SUGCT: variants seen among roughly 807,000 people sequenced by gnomAD.
The protein encoded by SUGCT is succinyl-CoA:glutarate CoA-transferase.
A neutral mutation model predicts 55.0 loss-of-function variants in SUGCT; 41 were observed. The ratio of observed to expected loss-of-function variants is 0.74; its 90% confidence interval spans 0.58 to 0.97. SUGCT has a LOEUF of 0.97. Among genes scored for constraint, SUGCT ranks in the 50% least tolerant of loss-of-function variants. SUGCT has a pLI of 0.00. For synonymous variants in SUGCT, 187 were observed against 200.4 expected, an observed-to-expected ratio of 0.93 and a Z score of 0.56; for missense variants, 568 against 547.8, an observed-to-expected ratio of 1.04 and a Z score of -0.37.
At chr7:40,923,105 G>A in the SUGCT span, among the ~76,000 whole-genome samples, 1 of 152,196 alleles carries the variant, frequency 6.6e-6, no homozygotes. Context: ...GAAATTGAGG[G>A]AGACTCCTTA....
At chr7:40,141,010 A>G (rs956432623) in intron 1 of SUGCT, among the ~76,000 whole-genome samples, 3 of 151,854 alleles carry the variant, frequency 2.0e-5, no homozygotes, top group East Asian at 1.9e-4. Flanking sequence ...TGTTTCATCT[A>G]TAGTTTCTTT....
intron 12 of SUGCT, among the ~76,000 whole-genome samples, chr7:40,705,222 A>T (rs1785342473): frequency 6.6e-6 from 1 of 152,208 alleles, no homozygotes; most frequent in Admixed American, 6.5e-5. Context: ...TGCAAAAATC[A>T]TGTGGAGAAG....
intron 7 of SUGCT, among the ~76,000 whole-genome samples, chr7:40,242,215 C>A (rs781626581): frequency 2.0e-5 from 3 of 151,366 alleles, no homozygotes; most frequent in Non-Finnish European, 2.9e-5. Context: ...CTCTTGTCAC[C>A]CAGGCTGGAG....
At chr7:40,494,946 T>C (rs891316690) in intron 11 of SUGCT, among the ~76,000 whole-genome samples, 9 of 152,150 alleles carry the variant, frequency 5.9e-5, no homozygotes, top group Middle Eastern at 3.4e-3. Context: ...GTTTTGCTCT[T>C]GTTGTCCAGG....
At chr7:41,028,384 G>A in the SUGCT span, among the ~76,000 whole-genome samples, 30 of 152,336 alleles carry the variant, frequency 2.0e-4, 1 homozygote, top group South Asian at 2.9e-3. Context: ...ATCACTGGCC[G>A]TCCCAAGTGA....
At chr7:40,774,505 G>A (rs1289163459) in intron 13 of SUGCT, among the ~76,000 whole-genome samples, 3 of 152,164 alleles carry the variant, frequency 2.0e-5, no homozygotes, top group Non-Finnish European at 4.4e-5. Context: ...TCATTGTGGA[G>A]ATGGGAGATT....
chr7:40,435,566 C>T (rs1402219622), intron 9 of SUGCT, among the ~76,000 whole-genome samples: 1 of 152,160 alleles, frequency 6.6e-6, no homozygotes, highest in African/African-American at 2.4e-5. Context: ...AACTAACTAG[C>T]ATCTTGAACT....
chr7:40,352,942 T>C (rs1047194482), intron 9 of SUGCT, among the ~76,000 whole-genome samples: 7 of 152,224 alleles, frequency 4.6e-5, no homozygotes, highest in African/African-American at 1.7e-4. Context: ...ACATCTGTTA[T>C]TTTTTGACTT....
chr7:40,332,197 C>G lies in SUGCT; in HGVS notation c.816+15342C>G, dbSNP rs532706235. 5.3e-5 allele frequency among the ~76,000 whole-genome samples: 8 copies of G among 152,234 alleles called. No homozygotes were observed. The South Asian group carries it at 1.2e-3, about 24-fold the overall frequency. Reference sequence around the variant, plus strand: ...TCTTGGAAAACAACTTCAAGGAAGTCTGAAGAGATCTCTCATCCTGAAAAC... The same window carrying G: ...TCTTGGAAAACAACTTCAAGGAAGTGTGAAGAGATCTCTCATCCTGAAAAC... On this transcript the variant is annotated intron_variant, in intron 9 of 13. Coordinates refer to ENST00000335693, the MANE Select transcript of SUGCT (RefSeq NM_001193313.2).
intron 10 of SUGCT, among the ~76,000 whole-genome samples, chr7:40,453,251 T>C (rs1789289788): frequency 6.6e-6 from 1 of 152,226 alleles, no homozygotes; most frequent in Non-Finnish European, 1.5e-5. Context: ...ATTGCTGAGC[T>C]GTGATCCCAA....
the SUGCT span, among the ~76,000 whole-genome samples, chr7:40,954,763 G>A: frequency 2.0e-5 from 3 of 152,050 alleles, no homozygotes; most frequent in African/African-American, 7.2e-5. Context: ...GGGTTTTTAT[G>A]GTTTTAGGTC....
chr7:40,643,982 G>A (rs987986381), intron 12 of SUGCT, among the ~76,000 whole-genome samples: 3 of 152,166 alleles, frequency 2.0e-5, no homozygotes, highest in Admixed American at 6.5e-5. Flanking sequence ...CAAGCTGTGC[G>A]TCTGCCTCTG....
chr7:40,742,397 A>G (rs796565679), intron 12 of SUGCT, among the ~76,000 whole-genome samples: 2 of 152,244 alleles, frequency 1.3e-5, no homozygotes, highest in South Asian at 2.1e-4. Context: ...CAGTTTTTCC[A>G]TGGACGGGGA....
intron 13 of SUGCT, among the ~76,000 whole-genome samples, chr7:40,768,183 C>T (rs116722044): frequency 2.5e-3 from 378 of 152,274 alleles, no homozygotes; most frequent in African/African-American, 8.6e-3. Flanking sequence ...GGCTTCTTCT[C>T]CTCCATTCAG....
At chr7:40,734,810 G>C (rs1217112146) in intron 12 of SUGCT, among the ~76,000 whole-genome samples, 1 of 152,160 alleles carries the variant, frequency 6.6e-6, no homozygotes, top group Non-Finnish European at 1.5e-5. Context: ...TTGCCTCAAT[G>C]GCTTCTGAAG....
chr7:40,268,215 A>AAATT lies in SUGCT; in HGVS notation c.577-6298_577-6297insAATT, dbSNP rs1421849973. ...CAACAGTCAATTTTAGAACATTTTC[A>AAATT]TCACCCCATAAAGAAACCTCTTACC... On this transcript the variant is annotated intron_variant, in intron 7 of 13. Transcript: ENST00000335693. Among the ~76,000 whole-genome samples, 47 of 152,272 alleles carry AAATT rather than the reference A, an allele frequency of 3.1e-4. No homozygotes were observed. The East Asian group carries it at 8.1e-3, about 26-fold the overall frequency.
the SUGCT span, among the ~76,000 whole-genome samples, chr7:40,909,402 C>CG: frequency 6.6e-6 from 1 of 152,140 alleles, no homozygotes; most frequent in Non-Finnish European, 1.5e-5. Flanking sequence ...CATGTCACCC[C>CG]GGGGTTCGCT....
chr7:41,025,655 A>T, the SUGCT span, among the ~76,000 whole-genome samples: 2 of 152,134 alleles, frequency 1.3e-5, no homozygotes, highest in African/African-American at 4.8e-5. Flanking sequence ...GTGCCCAGCC[A>T]CTGTAAGAAT....
chr7:40,699,644 G>A (rs1471337431), intron 12 of SUGCT, among the ~76,000 whole-genome samples: 2 of 152,160 alleles, frequency 1.3e-5, no homozygotes, highest in African/African-American at 2.4e-5. Flanking sequence ...TGAGGTGGGC[G>A]GATCGCTTGA....
Sources: allele counts gnomAD v4.1 joint callset (sites outside exome capture counted in the v4.1 genomes callset), GRCh38; gene constraint gnomAD v4.1.1; transcripts MANE v1.5; gene names NCBI Gene and HGNC (gene_info 2026-07-23, HGNC 2026-07-21).